NUP214: variants seen among roughly 807,000 people sequenced by gnomAD.
NUP214 encodes the protein nucleoporin 214.
NUP214 carries 79 observed loss-of-function variants against 196.2 expected under a neutral mutation model. The observed-to-expected ratio is 0.40, with a 90% CI of 0.34 to 0.49. The LOEUF is 0.49. Ranked by LOEUF, NUP214 falls within the 20% of genes least tolerant of loss-of-function variation. The probability of loss-of-function intolerance (pLI) is 0.58; values close to 1 mark genes in which losing one functional copy is unlikely to be tolerated. For synonymous variants in NUP214, 1,020 were observed against 990.5 expected (o/e 1.03, Z -0.56); for missense variants, 2,468 against 2,539.0 (o/e 0.97, Z 0.60).
chr9:131,150,140 C>T (rs780810474), intron 14 of NUP214, 184 bp from the exon 15 acceptor site: 12 of 546,324 alleles, frequency 2.2e-5, no homozygotes, highest in Non-Finnish European at 3.3e-5. Flanking sequence ...TACTTGTTCA[C>T]CTCTACCTGC....
intron 1 of NUP214, chr9:131,126,088 AGAG>A (rs1831338696): frequency 3.0e-6 from 1 of 337,468 alleles, no homozygotes; most frequent in South Asian, 3.7e-5. Context: ...TCGTTAACGT[AGAG>A]GAGTAAGTTG....
At chr9:131,166,889 T>C (rs925318237) in intron 21 of NUP214, among the ~76,000 whole-genome samples, 7 of 152,168 alleles carry the variant, frequency 4.6e-5, no homozygotes, top group Admixed American at 6.5e-5. Context: ...TTGCCACAAT[T>C]GTTGCTGAAC....
intron 4 of NUP214, 104 bp downstream of exon 4, chr9:131,129,581 T>A: frequency 8.5e-7 from 1 of 1,174,532 alleles, no homozygotes; most frequent in Non-Finnish European, 1.2e-6. Flanking sequence ...TTTGGTTTTT[T>A]TTTTCATGAC....
At chr9:131,194,983 C>T (rs182391524) in intron 27 of NUP214, among the ~76,000 whole-genome samples, 20 of 152,310 alleles carry the variant, frequency 1.3e-4, no homozygotes, top group Non-Finnish European at 2.4e-4. Flanking sequence ...TACAGAAAGC[C>T]CAGCCATCCC....
intron 16 of NUP214, 22 bp downstream of exon 16, chr9:131,150,787 TC>T: frequency 6.3e-7 from 1 of 1,593,760 alleles, no homozygotes; most frequent in Non-Finnish European, 8.5e-7. Context: ...TGGATACTTT[TC>T]CTGAGTTGAA....
intron 29 of NUP214, among the ~76,000 whole-genome samples, chr9:131,201,033 T>C (rs981719356): frequency 1.3e-5 from 2 of 150,666 alleles, no homozygotes; most frequent in Non-Finnish European, 2.9e-5. Flanking sequence ...CTTTAGAACT[T>C]ACACTATTTT....
chr9:131,130,787 A>G lies in NUP214; in HGVS notation c.614A>G (p.Lys205Arg). Residue 205 changes from lysine (K) to arginine (R), a missense_variant, in exon 5 of 36, where the codon AAG (lysine) becomes AGG (arginine). By Grantham distance (26) the Lys-to-Arg change is conservative. Transcript: ENST00000359428. ...VTSVCWSPKG[K>R]QLAVGKQNGT... ...TCAGTGTGCTGGAGCCCCAAAGGAA[A>G]GCAGCTGGCAGTGGGAAAACAGAAT... 6.2e-7 allele frequency: 1 copy of G among 1,614,184 alleles called. No homozygotes were observed. The highest frequency in any genetic ancestry group is 8.5e-7 in the Non-Finnish European group (1 of 1,180,022).
At chr9:131,164,380 C>T (rs1464866128) in intron 21 of NUP214, 5 of 515,948 alleles carry the variant, frequency 9.7e-6, no homozygotes, top group Admixed American at 3.5e-5. Context: ...GCAAAGTAGT[C>T]GTTTTGGCTT....
chr9:131,158,956 A>G (rs925495679), intron 17 of NUP214: 4 of 155,406 alleles, frequency 2.6e-5, no homozygotes, highest in Admixed American at 2.0e-4. Flanking sequence ...CATGTTGGCC[A>G]GGCTGATCTT....
chr9:131,173,355 CTTTTTT>C (rs10706351), intron 21 of NUP214, among the ~76,000 whole-genome samples: 4 of 38,164 alleles, frequency 1.0e-4, no homozygotes, highest in Non-Finnish European at 1.9e-4. Flanking sequence ...TGCACCCAGC[CTTTTTT>C]TTTTTTTTTT....
At chr9:131,184,031 T>TTTTTTTTTTTTTTTTTTTTTTTTC (rs1833375520) in intron 24 of NUP214, among the ~76,000 whole-genome samples, 1 of 135,934 alleles carries the variant, frequency 7.4e-6, no homozygotes, top group African/African-American at 2.8e-5. Flanking sequence ...TTTTTCTTTT[T>TTTTTTTTTTTTTTTTTTTTTTTTC]TTTTTTTTTT....
intron 30 of NUP214, among the ~76,000 whole-genome samples, chr9:131,203,087 AGGTGCCCACC>A (rs1287186840): frequency 6.6e-6 from 1 of 151,764 alleles, no homozygotes; most frequent in East Asian, 1.9e-4. Flanking sequence ...CTGGGACTAC[AGGTGCCCACC>A]ACCGCACCCA....
chr9:131,230,468 C>T (rs983569884), intron 33 of NUP214, 162 bp from the exon 34 acceptor site: 45 of 756,262 alleles, frequency 6.0e-5, no homozygotes, highest in African/African-American at 3.7e-4. Context: ...TGGCCCTGGG[C>T]GATAGCTCAT....
At chr9:131,199,626 A>G (rs1010644680) in intron 29 of NUP214, among the ~76,000 whole-genome samples, 2 of 152,198 alleles carry the variant, frequency 1.3e-5, no homozygotes, top group Admixed American at 1.3e-4. Context: ...TCTCTATTGC[A>G]TTTTCCATTT....
chr9:131,231,250 T>C (rs1834869164), intron 34 of NUP214, among the ~76,000 whole-genome samples: 1 of 152,286 alleles, frequency 6.6e-6, no homozygotes, highest in East Asian at 1.9e-4. Flanking sequence ...TGGAGTGCAG[T>C]GGCACAATCT....
At chr9:131,130,137 G>GTTTTTTTTGTTTTTTT (rs1554728067) in intron 4 of NUP214, among the ~76,000 whole-genome samples, 1 of 76,894 alleles carries the variant, frequency 1.3e-5, no homozygotes, top group African/African-American at 5.0e-5. Context: ...TTCTGGTTTT[G>GTTTTTTTTGTTTTTTT]TTTTTTTTTT....
At chr9:131,223,289 C>A (rs1834614253) in intron 32 of NUP214, among the ~76,000 whole-genome samples, 1 of 152,090 alleles carries the variant, frequency 6.6e-6, no homozygotes, top group Non-Finnish European at 1.5e-5. Context: ...GCCTCAGCCT[C>A]CCAAGTAGCT....
At chr9:131,148,031 G>A (rs1832135439) in intron 14 of NUP214, among the ~76,000 whole-genome samples, 1 of 152,142 alleles carries the variant, frequency 6.6e-6, no homozygotes, top group African/African-American at 2.4e-5. Flanking sequence ...TACTAAAAAC[G>A]CAAAAATTAG....
Position 131,197,468 on chromosome 9 carries a change from C to G in NUP214, c.3974C>G (p.Ser1325Cys), listed in dbSNP as rs199882218. The G allele has an allele frequency of 1.9e-6, 3 of 1,614,188 alleles. No individual in the cohort carries two copies. Among genetic ancestry groups the G allele is most frequent in the African/African-American group, 2.7e-5 (2 of 75,038 alleles). ...CTGGGAGAGCTTCTGTTTCCAAGTT[C>G]TTTGGCTGGAGAGACTCTGGGAAGT... ...SKLGELLFPS[S>C]LAGETLGSFS... Residue 1325 changes from serine (S) to cysteine (C), a missense_variant, in exon 29 of 36, where the codon TCT (serine) becomes TGT (cysteine). Ser to Cys is a moderately radical substitution (Grantham distance 112). Around this residue, in one of 5 missense-constraint regions of NUP214, gnomAD observed 1,801 missense variants for 1,779.4 expected, o/e 1.01. Transcript: ENST00000359428.
Sources: gnomAD v4.1 joint callset for allele counts (sites outside exome capture counted in the v4.1 genomes callset) on GRCh38, gnomAD v4.1.1 for gene constraint, gnomAD v4.1.1 regional missense constraint, MANE v1.5 for transcripts, NCBI Gene and HGNC (gene_info 2026-07-23, HGNC 2026-07-21) for gene names.